CHST11: variants seen among roughly 807,000 people sequenced by gnomAD.
The protein encoded by CHST11 is C4S-1.
Under a neutral mutation model 30.4 loss-of-function variants are expected in CHST11, and 9 were observed. The observed-to-expected ratio is 0.30, with a 90% CI of 0.18 to 0.52. The LOEUF is 0.52. Among genes scored for constraint, CHST11 ranks in the 20% least tolerant of loss-of-function variants. The probability of loss-of-function intolerance (pLI) is 0.97; values close to 1 mark genes in which losing one functional copy is unlikely to be tolerated. For synonymous variants in CHST11, 152 were observed against 187.8 expected, an observed-to-expected ratio of 0.81 and a Z score of 1.56; for missense variants, 348 against 460.6, an observed-to-expected ratio of 0.76 and a Z score of 2.24.
chr12:104,483,088 C>G (rs913980515), intron 1 of CHST11, among the ~76,000 whole-genome samples: 1 of 152,176 alleles, frequency 6.6e-6, no homozygotes, highest in Non-Finnish European at 1.5e-5. Context: ...GGTGCAATAT[C>G]TCCAAAACTG....
At chr12:104,711,584 TGA>T (rs1413521733) in intron 2 of CHST11, among the ~76,000 whole-genome samples, 1 of 152,092 alleles carries the variant, frequency 6.6e-6, no homozygotes. Flanking sequence ...GAGTGGGAAG[TGA>T]GAGGTTTATT....
chr12:104,470,703 T>C (rs1384919125), intron 1 of CHST11, among the ~76,000 whole-genome samples: 6 of 152,204 alleles, frequency 3.9e-5, no homozygotes, highest in African/African-American at 1.4e-4. Context: ...CACAACCTTG[T>C]GAGATGCACA....
intron 1 of CHST11, 26 bp downstream of exon 1, chr12:104,457,555 G>A: frequency 6.6e-7 from 1 of 1,516,828 alleles, no homozygotes; most frequent in South Asian, 1.1e-5. Flanking sequence ...GCGTGGTTTT[G>A]TTGGATATTT....
intron 1 of CHST11, among the ~76,000 whole-genome samples, chr12:104,567,771 A>T (rs950810026): frequency 6.6e-5 from 10 of 152,066 alleles, no homozygotes; most frequent in Admixed American, 2.0e-4. Flanking sequence ...CTAATCCCTA[A>T]TGCAATAGTA....
At chr12:104,641,882 T>C (rs953614162) in intron 2 of CHST11, among the ~76,000 whole-genome samples, 3 of 152,122 alleles carry the variant, frequency 2.0e-5, no homozygotes, top group Admixed American at 6.5e-5. Context: ...TAGGAGTTTA[T>C]CCTAAAGCCA....
At chr12:104,640,258 T>G (rs1258863652) in intron 2 of CHST11, among the ~76,000 whole-genome samples, 1 of 152,180 alleles carries the variant, frequency 6.6e-6, no homozygotes, top group East Asian at 1.9e-4. Context: ...AACTTATGTA[T>G]CCACAAAAAT....
At chr12:104,530,222 A>G (rs1232597275) in intron 1 of CHST11, among the ~76,000 whole-genome samples, 1 of 152,148 alleles carries the variant, frequency 6.6e-6, no homozygotes, top group African/African-American at 2.4e-5. Flanking sequence ...GTATCTATCC[A>G]AGAGTTAAAT....
At chr12:104,564,076 C>T (rs963657238) in intron 1 of CHST11, among the ~76,000 whole-genome samples, 4 of 152,132 alleles carry the variant, frequency 2.6e-5, no homozygotes, top group African/African-American at 9.7e-5. Flanking sequence ...CCCCTAGGAG[C>T]TCTAACAAAA....
chr12:104,744,940 C>G (rs1370019620), intron 2 of CHST11, among the ~76,000 whole-genome samples: 1 of 152,034 alleles, frequency 6.6e-6, no homozygotes, highest in Non-Finnish European at 1.5e-5. Flanking sequence ...ATGGCATGAT[C>G]TCGGCTCACT....
At chr12:104,511,092 GAT>G (rs2037961317) in intron 1 of CHST11, among the ~76,000 whole-genome samples, 1 of 152,228 alleles carries the variant, frequency 6.6e-6, no homozygotes, top group African/African-American at 2.4e-5. Flanking sequence ...CATTGAGAAA[GAT>G]AAGGTGGACA....
chr12:104,720,365 G>T (rs1039775052), intron 2 of CHST11, among the ~76,000 whole-genome samples: 81 of 152,258 alleles, frequency 5.3e-4, no homozygotes, highest in African/African-American at 1.8e-3. Flanking sequence ...ATCGTGAGAG[G>T]CAGGGCTGGG....
intron 2 of CHST11, among the ~76,000 whole-genome samples, chr12:104,750,874 A>C (rs921985616): frequency 6.6e-6 from 1 of 152,228 alleles, no homozygotes; most frequent in Non-Finnish European, 1.5e-5. Context: ...TATAAAAACC[A>C]ATTAAAATGT....
At chr12:104,730,042 G>T (rs1275930233) in intron 2 of CHST11, among the ~76,000 whole-genome samples, 1 of 152,198 alleles carries the variant, frequency 6.6e-6, no homozygotes, top group Non-Finnish European at 1.5e-5. Flanking sequence ...TGTCAGACTG[G>T]CTGGTGTCAG....
chr12:104,717,423 G>T (rs891946545), intron 2 of CHST11, among the ~76,000 whole-genome samples: 1 of 152,054 alleles, frequency 6.6e-6, no homozygotes, highest in Non-Finnish European at 1.5e-5. Context: ...CAGGCTTCAG[G>T]GATTTTTTTA....
intron 2 of CHST11, among the ~76,000 whole-genome samples, chr12:104,670,640 C>T (rs1025238392): frequency 6.6e-6 from 1 of 150,452 alleles, no homozygotes; most frequent in African/African-American, 2.5e-5. Flanking sequence ...CACTCATGCA[C>T]ACTCTCCCAC....
At chr12:104,469,615 A>T (rs2037489060) in intron 1 of CHST11, among the ~76,000 whole-genome samples, 1 of 152,168 alleles carries the variant, frequency 6.6e-6, no homozygotes, top group South Asian at 2.1e-4. Context: ...TTCTGTGCTG[A>T]GGAGGACTTT....
At position 104,579,320 on chromosome 12, in the gene CHST11, C is replaced by G. The variant is rs1217897127; in HGVS notation, c.119-22586C>G. ...GGGTCCAATTTACCTGGGTTGAAGT[C>G]TTTGCCCCACCACTTTGCTCTTGTC... On this transcript the variant is annotated intron_variant, in intron 1 of 2. Transcript: ENST00000303694. 3.3e-5 allele frequency among the ~76,000 whole-genome samples: 5 copies of G among 152,214 alleles called. No individual in the cohort carries two copies. The East Asian group carries it at 9.6e-4, about 29-fold the overall frequency.
At chr12:104,474,442 G>A (rs1324886856) in intron 1 of CHST11, among the ~76,000 whole-genome samples, 1 of 152,182 alleles carries the variant, frequency 6.6e-6, no homozygotes, top group African/African-American at 2.4e-5. Context: ...GCATTCAGGA[G>A]GGGAGCAGCT....
At chr12:104,688,875 C>G (rs1392589901) in intron 2 of CHST11, among the ~76,000 whole-genome samples, 1 of 152,164 alleles carries the variant, frequency 6.6e-6, no homozygotes, top group Admixed American at 6.5e-5. Context: ...AGGCCCAGCT[C>G]CTCAGGAGGT....
Sources: gnomAD v4.1 joint callset for allele counts (sites outside exome capture counted in the v4.1 genomes callset) on GRCh38, gnomAD v4.1.1 for gene constraint, MANE v1.5 for transcripts, NCBI Gene and HGNC (gene_info 2026-07-23, HGNC 2026-07-21) for gene names.